IFNGR2: variants seen among roughly 807,000 people sequenced by gnomAD.
IFNGR2 encodes the protein IFN-gamma receptor 2.
In IFNGR2, 15 loss-of-function variants were observed where a neutral mutation model predicts 41.1. The observed-to-expected ratio is 0.37, with a 90% CI of 0.24 to 0.56. IFNGR2 has a LOEUF of 0.56. IFNGR2 is among the 20% of genes least tolerant of loss of function. The probability of loss-of-function intolerance (pLI) is 0.81; values close to 1 mark genes in which losing one functional copy is unlikely to be tolerated. For missense variants in IFNGR2, 362 were observed against 415.7 expected, an observed-to-expected ratio of 0.87 and a Z score of 1.12; for synonymous variants, 161 against 171.6, an observed-to-expected ratio of 0.94 and a Z score of 0.48.
chr21:33,404,562 CAAG>C (rs988100294), intron 1 of IFNGR2, among the ~76,000 whole-genome samples: 1 of 152,122 alleles, frequency 6.6e-6, no homozygotes, highest in African/African-American at 2.4e-5. Flanking sequence ...GTCAGCCTCC[CAAG>C]AAGGTGGTAT....
intron 1 of IFNGR2, chr21:33,411,339 G>A: frequency 4.8e-6 from 2 of 415,854 alleles, no homozygotes; most frequent in Non-Finnish European, 5.0e-6. Context: ...CCACCCCGGA[G>A]CCCCTTGGTG....
At position 33,403,511 on chromosome 21, in the gene IFNGR2, C is replaced by G. The variant is rs1197604333; in HGVS notation, c.-33C>G. 116 of 1,204,258 alleles carry G rather than the reference C, an allele frequency of 9.6e-5. No homozygotes were observed. The highest frequency in any genetic ancestry group is 1.2e-4 in the Non-Finnish European group (114 of 965,682). 74.6% of individuals were successfully genotyped at this position (1,204,258 alleles called of 1,614,324 possible). ...CGCGGACCCCGAGCGGGGCCCCGGC[C>G]GCGACCTGAGCCGCCGCCGAGCGCC... is the stretch of plus-strand genomic sequence containing the variant. On this transcript the variant is annotated 5_prime_UTR_variant, in exon 1 of 7. Transcript: ENST00000290219.
Position 33,403,591 on chromosome 21 carries a change from C to T in IFNGR2, c.48C>T (p.Phe16=). The change falls in exon 1 of 7, where the codon TTC becomes TTT. Residue 16 remains phenylalanine (F), a synonymous_variant. Transcript: ENST00000290219. ...LWSLLLLLGV[F]AAAAAAPPDP... is the part of the protein sequence containing the mutation. ...CGCTGCTGCTGCTGCTCGGAGTCTTCGCCGCCGCCGCCGCGGCCCCGCCAG... is the reference window on the plus strand; with the variant it reads ...CGCTGCTGCTGCTGCTCGGAGTCTTTGCCGCCGCCGCCGCGGCCCCGCCAG... 7.6e-7 allele frequency: 1 copy of T among 1,318,654 alleles called. No homozygotes were observed. 81.7% of individuals were successfully genotyped at this position (1,318,654 alleles called of 1,614,324 possible).
At chr21:33,425,061 C>A (rs547046655) in intron 3 of IFNGR2, among the ~76,000 whole-genome samples, 4 of 152,260 alleles carry the variant, frequency 2.6e-5, no homozygotes, top group East Asian at 1.9e-4. Context: ...TGGCATGCAC[C>A]ACCATGCCCC....
chr21:33,433,415 A>G (rs2083909906), intron 6 of IFNGR2, among the ~76,000 whole-genome samples: 1 of 152,216 alleles, frequency 6.6e-6, no homozygotes, highest in African/African-American at 2.4e-5. Flanking sequence ...TTTCCATACA[A>G]TGGAATATCA....
chr21:33,414,133 C>T (rs17882307), intron 1 of IFNGR2, among the ~76,000 whole-genome samples: 5,781 of 152,090 alleles, frequency 0.038, 316 homozygotes, highest in African/African-American at 0.12. Context: ...GAGCTCGGGC[C>T]GTGTTGTCCT....
At chr21:33,426,771 C>T (rs900415224) in intron 3 of IFNGR2, 113 bp from the exon 4 acceptor site, 4 of 572,948 alleles carry the variant, frequency 7.0e-6, no homozygotes, top group African/African-American at 6.4e-5. Flanking sequence ...TATATATCTA[C>T]ACCCACTATA....
chr21:33,407,026 G>T (rs1426420861), intron 1 of IFNGR2, among the ~76,000 whole-genome samples: 2 of 151,984 alleles, frequency 1.3e-5, no homozygotes, highest in Non-Finnish European at 2.9e-5. Flanking sequence ...TAAAATATGG[G>T]ACCTGTGGCA....
At position 33,436,710 on chromosome 21, in the gene IFNGR2, A is replaced by G. The variant is rs372191083; in HGVS notation, c.880-118A>G. 1.3e-4 allele frequency: 90 copies of G among 719,186 alleles called. 1 individual carries two copies. The highest frequency in any genetic ancestry group is 2.8e-4 in the East Asian group (10 of 35,128). 44.6% of individuals were successfully genotyped at this position (719,186 alleles called of 1,614,324 possible). The stretch of plus-strand genomic sequence containing the variant: ...ATACTCCAGCCTAGGCAAGAGTAAG[A>G]CTCCATCTCAAAAAAAAAATAAAAA... On this transcript the variant is annotated intron_variant, in intron 6 of 6. Transcript: ENST00000290219.
chr21:33,424,677 C>A (rs2083820953), intron 3 of IFNGR2, among the ~76,000 whole-genome samples: 1 of 152,206 alleles, frequency 6.6e-6, no homozygotes, highest in South Asian at 2.1e-4. Flanking sequence ...TTACTGTGGG[C>A]AAGTAGTGTC....
intron 1 of IFNGR2, 31 bp downstream of exon 1, chr21:33,403,647 C>T (rs1228311580): frequency 7.8e-7 from 1 of 1,275,566 alleles, no homozygotes; most frequent in Admixed American, 4.3e-5. Flanking sequence ...CGCGGCGGGA[C>T]GCGGGCGCAG....
At chr21:33,403,957 C>T (rs1218566859) in intron 1 of IFNGR2, among the ~76,000 whole-genome samples, 6 of 152,168 alleles carry the variant, frequency 3.9e-5, no homozygotes, top group Non-Finnish European at 5.9e-5. Context: ...CGGGACACCC[C>T]TCTCCGGGAG....
At chr21:33,424,654 T>C (rs1442044836) in intron 3 of IFNGR2, among the ~76,000 whole-genome samples, 1 of 152,216 alleles carries the variant, frequency 6.6e-6, no homozygotes, top group Non-Finnish European at 1.5e-5. Context: ...AACTCTGCCA[T>C]TTATTGGCTG....
chr21:33,411,558 G>C (rs1162830109), intron 1 of IFNGR2: 1 of 470,470 alleles, frequency 2.1e-6, no homozygotes, highest in East Asian at 6.9e-5. Flanking sequence ...ACGTACAAAA[G>C]GGACTCCGCA....
chr21:33,434,276 C>T (rs2083921165), intron 6 of IFNGR2, among the ~76,000 whole-genome samples: 1 of 152,132 alleles, frequency 6.6e-6, no homozygotes, highest in South Asian at 2.1e-4. Flanking sequence ...AATCCCAGGA[C>T]TTGGGGAGGC....
At chr21:33,426,456 C>T (rs1449724411) in intron 3 of IFNGR2, among the ~76,000 whole-genome samples, 2 of 151,972 alleles carry the variant, frequency 1.3e-5, no homozygotes, top group Admixed American at 6.6e-5. Context: ...CGGTGGCTCA[C>T]ACCTGTAATC....
chr21:33,422,303 G>C (rs906124385), intron 3 of IFNGR2, among the ~76,000 whole-genome samples: 1 of 152,188 alleles, frequency 6.6e-6, no homozygotes, highest in East Asian at 1.9e-4. Context: ...TAATTCATTT[G>C]TCACGTAGTC....
At chr21:33,427,180 T>C in intron 4 of IFNGR2, 148 bp downstream of exon 4, 1 of 767,940 alleles carries the variant, frequency 1.3e-6, no homozygotes, top group Non-Finnish European at 2.2e-6. Flanking sequence ...CTGTTTTCAT[T>C]GTCCTCTTCA....
intron 3 of IFNGR2, 39 bp from the exon 4 acceptor site, chr21:33,426,845 G>A: frequency 6.6e-7 from 1 of 1,526,216 alleles, no homozygotes; most frequent in Non-Finnish European, 9.1e-7. Context: ...TAATACATAT[G>A]TGTATGTGTG....
Sources: gnomAD v4.1 joint callset for allele counts (sites outside exome capture counted in the v4.1 genomes callset) on GRCh38, gnomAD v4.1.1 for gene constraint, MANE v1.5 for transcripts, NCBI Gene and HGNC (gene_info 2026-07-23, HGNC 2026-07-21) for gene names.